DCDC1: variants seen among roughly 807,000 people sequenced by gnomAD.
The protein encoded by DCDC1 is doublecortin domain-containing protein 1.
Under a neutral mutation model 178.3 loss-of-function variants are expected in DCDC1, and 200 were observed. The ratio of observed to expected loss-of-function variants is 1.12; its 90% CI spans 1.00 to 1.26. The LOEUF (loss-of-function observed/expected upper bound fraction) is 1.26, where lower values mean the gene tolerates loss of function less well. Among genes scored for constraint, DCDC1 ranks in the 50% most tolerant of loss-of-function variants. The pLI is 0.00. For synonymous variants in DCDC1, 690 were observed against 604.8 expected (o/e 1.14, Z -2.07); for missense variants, 1,983 against 1,749.2 (o/e 1.13, Z -2.38).
At chr11:31,238,673 T>C (rs1976740630) in intron 9 of DCDC1, among the ~76,000 whole-genome samples, 1 of 152,140 alleles carries the variant, frequency 6.6e-6, no homozygotes, top group African/African-American at 2.4e-5. Flanking sequence ...CTGAAAGTGT[T>C]AACTACATTT....
intron 6 of DCDC1, 74 bp from the exon 7 acceptor site, chr11:31,290,926 C>T: frequency 7.6e-7 from 1 of 1,321,468 alleles, no homozygotes; most frequent in Admixed American, 2.1e-5. Context: ...ACTTCCCTCC[C>T]TCTATTACCT....
At chr11:31,115,986 G>GC (rs1272010153) in intron 11 of DCDC1, among the ~76,000 whole-genome samples, 4 of 136,220 alleles carry the variant, frequency 2.9e-5, no homozygotes, top group African/African-American at 1.0e-4. Context: ...GGCAGTGGGG[G>GC]GGGGGGGGAT....
chr11:30,940,651 A>C (rs1009527710), intron 21 of DCDC1, among the ~76,000 whole-genome samples: 2 of 152,128 alleles, frequency 1.3e-5, no homozygotes, highest in Admixed American at 6.6e-5. Context: ...TATCTTAATC[A>C]GTTTTGACAA....
chr11:31,304,273 A>T (rs970843025), intron 6 of DCDC1, among the ~76,000 whole-genome samples: 4 of 152,194 alleles, frequency 2.6e-5, no homozygotes, highest in Non-Finnish European at 5.9e-5. Flanking sequence ...AAAGGCAAGC[A>T]TTTCTTATTA....
At chr11:31,094,380 A>C (rs1426508669) in intron 15 of DCDC1, among the ~76,000 whole-genome samples, 196 bp from the exon 16 acceptor site, 1 of 152,180 alleles carries the variant, frequency 6.6e-6, no homozygotes, top group Non-Finnish European at 1.5e-5. Context: ...GCAAGACCCT[A>C]TGCTGTGTGG....
At chr11:30,941,168 G>T (rs1947617774) in intron 21 of DCDC1, among the ~76,000 whole-genome samples, 1 of 152,088 alleles carries the variant, frequency 6.6e-6, no homozygotes. Context: ...CCTGGTCCAA[G>T]AAATTATTTC....
At chr11:31,334,226 C>G (rs1004376927) in intron 2 of DCDC1, among the ~76,000 whole-genome samples, 2 of 152,156 alleles carry the variant, frequency 1.3e-5, no homozygotes, top group South Asian at 4.1e-4. Flanking sequence ...TTTTCAGCTC[C>G]ATCAGGTCAT....
chr11:31,355,708 C>T (rs1951307063), intron 1 of DCDC1, among the ~76,000 whole-genome samples: 1 of 152,082 alleles, frequency 6.6e-6, no homozygotes, highest in African/African-American at 2.4e-5. Context: ...GCTGGGATTA[C>T]AGGCACCCAC....
chr11:31,259,239 G>T (rs1023231068), intron 8 of DCDC1, among the ~76,000 whole-genome samples: 3 of 152,058 alleles, frequency 2.0e-5, no homozygotes, highest in African/African-American at 7.2e-5. Flanking sequence ...TGTAATCCAC[G>T]CTATTCGGGA....
chr11:30,931,655 G>T, intron 22 of DCDC1, 116 bp downstream of exon 22: 1 of 1,032,270 alleles, frequency 9.7e-7, no homozygotes, highest in Non-Finnish European at 1.3e-6. Flanking sequence ...TATGAATATG[G>T]GAGCCCTTTT....
At chr11:30,893,461 T>G (rs1943956540) in intron 35 of DCDC1, among the ~76,000 whole-genome samples, 2 of 152,292 alleles carry the variant, frequency 1.3e-5, no homozygotes, top group Admixed American at 1.3e-4. Context: ...GCATCCACCC[T>G]TATACTTTGC....
intron 9 of DCDC1, among the ~76,000 whole-genome samples, chr11:31,150,417 AAAGT>A (rs1315846985): frequency 6.6e-6 from 1 of 152,236 alleles, no homozygotes; most frequent in Admixed American, 6.5e-5. Flanking sequence ...CAAGTCTCAA[AAAGT>A]AAATAAAATT....
At chr11:30,936,126 G>A (rs1054458242) in intron 21 of DCDC1, among the ~76,000 whole-genome samples, 3 of 152,188 alleles carry the variant, frequency 2.0e-5, no homozygotes, top group Admixed American at 6.5e-5. Context: ...AATTTAAGAG[G>A]CAGAGTTTGA....
intron 20 of DCDC1, among the ~76,000 whole-genome samples, chr11:30,958,456 C>A (rs753310416): frequency 1.1e-4 from 17 of 152,068 alleles, no homozygotes; most frequent in Non-Finnish European, 1.5e-5. Context: ...CAATAGTGAA[C>A]CACAAGATTC....
At chr11:30,928,789 T>A (rs112391304) in intron 22 of DCDC1, among the ~76,000 whole-genome samples, 1 of 150,724 alleles carries the variant, frequency 6.6e-6, no homozygotes, top group African/African-American at 2.4e-5. Flanking sequence ...ATATTTTCAC[T>A]ATTTTATTTC....
At position 31,280,943 on chromosome 11, in the gene DCDC1, C is replaced by A. The variant is rs547684512; in HGVS notation, c.960+9704G>T. ...CTTTTCCACGGTGTGGCACTGGGCA[C>A]ACTTTTGAACAAAAACTCTTCTTGC... On this transcript the variant is annotated intron_variant, in intron 7 of 38. Transcript: ENST00000684477. 1.3e-5 allele frequency: 8 copies of A among 635,980 alleles called. No individual in the cohort carries two copies. The East Asian group carries it at 1.4e-4, about 11-fold the overall frequency. 39.4% of individuals were successfully genotyped at this position (635,980 alleles called of 1,614,324 possible).
At chr11:30,985,663 T>C (rs1366723383) in intron 20 of DCDC1, among the ~76,000 whole-genome samples, 6 of 152,146 alleles carry the variant, frequency 3.9e-5, no homozygotes, top group Admixed American at 3.9e-4. Context: ...ATAAACTATA[T>C]GAGTTGCACT....
At chr11:31,182,241 A>G (rs1270000458) in intron 9 of DCDC1, among the ~76,000 whole-genome samples, 2 of 152,176 alleles carry the variant, frequency 1.3e-5, no homozygotes, top group African/African-American at 4.8e-5. Flanking sequence ...AAATACAGAG[A>G]ACACCACAAA....
chr11:31,023,180 G>T (rs1297569348), intron 20 of DCDC1, among the ~76,000 whole-genome samples: 1 of 152,094 alleles, frequency 6.6e-6, no homozygotes, highest in Non-Finnish European at 1.5e-5. Flanking sequence ...AGCGTGGCAA[G>T]CCCCTGCCTT....
Sources: gnomAD v4.1 joint callset for allele counts (sites outside exome capture counted in the v4.1 genomes callset) on GRCh38, gnomAD v4.1.1 for gene constraint, MANE v1.5 for transcripts, NCBI Gene and HGNC (gene_info 2026-07-23, HGNC 2026-07-21) for gene names.